Variants in NR6A1 observed in about 807,000 individuals in gnomAD.
NR6A1 encodes nuclear receptor subfamily 6 group A member 1.
A neutral mutation model predicts 59.1 loss-of-function variants in NR6A1; 7 were observed. The observed-to-expected ratio is 0.12, with a 90% CI of 0.07 to 0.22. The LOEUF (loss-of-function observed/expected upper bound fraction) is 0.22. Ranked by LOEUF, NR6A1 falls within the 10% of genes least tolerant of loss-of-function variation. The probability of loss-of-function intolerance (pLI) is 1.00; values close to 1 mark genes in which losing one functional copy is unlikely to be tolerated. For synonymous variants in NR6A1, 243 were observed against 236.1 expected, an observed-to-expected ratio of 1.03 and a Z score of -0.27; for missense variants, 468 against 611.6, an observed-to-expected ratio of 0.77 and a Z score of 2.48.
intron 1 of NR6A1, among the ~76,000 whole-genome samples, chr9:124,745,446 C>T (rs1313237495): frequency 1.3e-5 from 2 of 151,972 alleles, no homozygotes; most frequent in Non-Finnish European, 2.9e-5. Context: ...CTGAGGCGGG[C>T]AGATCACCTG....
intron 2 of NR6A1, among the ~76,000 whole-genome samples, chr9:124,615,459 AT>A (rs1340743405): frequency 1.3e-5 from 2 of 152,322 alleles, no homozygotes; most frequent in East Asian, 3.9e-4. Context: ...TATATGGTGA[AT>A]TCTATAGAGG....
intron 8 of NR6A1, among the ~76,000 whole-genome samples, 184 bp from the exon 9 acceptor site, chr9:124,525,057 G>C (rs890343095): frequency 6.6e-6 from 1 of 152,130 alleles, no homozygotes; most frequent in Non-Finnish European, 1.5e-5. Flanking sequence ...AATGAAGAGA[G>C]AGAGGAAAAA....
At chr9:124,767,309 C>T (rs942899422) in intron 1 of NR6A1, among the ~76,000 whole-genome samples, 2 of 151,936 alleles carry the variant, frequency 1.3e-5, no homozygotes, top group African/African-American at 4.8e-5. Flanking sequence ...CTACGGAAGT[C>T]AGAATGAATT....
intron 2 of NR6A1, among the ~76,000 whole-genome samples, chr9:124,628,012 T>C (rs1836301314): frequency 6.6e-6 from 1 of 151,314 alleles, no homozygotes; most frequent in African/African-American, 2.4e-5. Flanking sequence ...TGTTTGGCCT[T>C]TGCTTTTGTT....
At chr9:124,729,612 T>C (rs1445761682) in intron 2 of NR6A1, among the ~76,000 whole-genome samples, 1 of 151,920 alleles carries the variant, frequency 6.6e-6, no homozygotes, top group Non-Finnish European at 1.5e-5. Flanking sequence ...TAAACAAAAG[T>C]CAAATGGAAT....
At chr9:124,658,143 C>T (rs1359384896) in intron 2 of NR6A1, among the ~76,000 whole-genome samples, 1 of 152,128 alleles carries the variant, frequency 6.6e-6, no homozygotes, top group African/African-American at 2.4e-5. Flanking sequence ...TCTTCTGACA[C>T]AAGTAGAGAG....
At chr9:124,769,635 T>C (rs1176145530) in intron 1 of NR6A1, among the ~76,000 whole-genome samples, 3 of 152,230 alleles carry the variant, frequency 2.0e-5, no homozygotes, top group Non-Finnish European at 2.9e-5. Context: ...CACTGTTCGG[T>C]CCTAGATCTC....
intron 2 of NR6A1, among the ~76,000 whole-genome samples, chr9:124,681,814 T>C (rs541585577): frequency 8.5e-5 from 13 of 152,206 alleles, no homozygotes; most frequent in Non-Finnish European, 1.9e-4. Flanking sequence ...CATAACTCAG[T>C]GAACAAGTAT....
rs150473209 is a variant in NR6A1 at position 124,699,813 on chromosome 9, G to A, written c.142+33495C>T. 2.6e-5 allele frequency among the ~76,000 whole-genome samples: 4 copies of A among 152,240 alleles called. No homozygotes were observed. In the East Asian group the frequency reaches 7.7e-4, roughly 29 times the overall value. ...CCAACTTAGCCCCCAGACAACCACT[G>A]ATCTGTCTCTATACATTTGACTTCT... On this transcript the variant is annotated intron_variant, in intron 2 of 9. Coordinates refer to ENST00000487099, the MANE Select transcript of NR6A1 (RefSeq NM_033334.4).
At chr9:124,584,698 C>T (rs1479355086) in intron 2 of NR6A1, among the ~76,000 whole-genome samples, 1 of 152,080 alleles carries the variant, frequency 6.6e-6, no homozygotes, top group Non-Finnish European at 1.5e-5. Context: ...CCAGCCATTC[C>T]CCCATCTCTC....
rs999872707 is a variant in NR6A1 at position 124,518,970 on chromosome 9, T to G, written c.*3735A>C. The G allele has an allele frequency of 6.6e-6, 1 of 152,156 alleles. No homozygotes were observed. Among genetic ancestry groups the G allele is most frequent in the Non-Finnish European group, 1.5e-5 (1 of 68,032 alleles). The allele number at this position is 152,156 out of a possible 1,614,324, so 9.4% of individuals were successfully genotyped here. On this transcript the variant is annotated 3_prime_UTR_variant, in exon 10 of 10. Transcript: ENST00000487099. ...CAGGGTTCCCTTAATTCGACCAACC[T>G]TGGACATGGCTTAGATGCTGCCCAC...
chr9:124,540,306 A>G, intron 4 of NR6A1, 119 bp from the exon 5 acceptor site: 1 of 1,097,378 alleles, frequency 9.1e-7, no homozygotes, highest in South Asian at 1.7e-5. Flanking sequence ...CCTCTCCTCC[A>G]TCCCCATATT....
In NR6A1 at chr9:124,540,019, G is replaced by A. The variant is rs1249932581; in HGVS notation, c.596+14C>T. ...ATCCCTAGATGATGACCATGGGTTT[G>A]CCTTAAAGCTCACCTGGAAGACAGT... On this transcript the variant is annotated intron_variant, in intron 5 of 9. Coordinates refer to ENST00000487099, the MANE Select transcript of NR6A1 (RefSeq NM_033334.4). 1 of 1,572,550 alleles carries A rather than the reference G, an allele frequency of 6.4e-7. No individual in the cohort carries two copies. The highest frequency in any genetic ancestry group is 8.6e-7 in the Non-Finnish European group (1 of 1,169,008).
At position 124,704,369 on chromosome 9, in the gene NR6A1, T is replaced by C. The variant is rs1317345508; in HGVS notation, c.142+28939A>G. On this transcript the variant is annotated intron_variant, in intron 2 of 9. Transcript: ENST00000487099. ...CTTTCCATTTCGTTGTTTTCCATTC[T>C]AATCTTTATTGTTTTCTTCCTTATA... is the stretch of plus-strand genomic sequence containing the variant. Among the ~76,000 whole-genome samples the C allele has an allele frequency of 2.6e-5, 4 of 152,206 alleles. No individual in the cohort carries two copies. The East Asian group carries it at 7.7e-4, about 29-fold the overall frequency.
At chr9:124,740,672 CAAGAAA>C (rs894230988) in intron 1 of NR6A1, among the ~76,000 whole-genome samples, 1 of 152,116 alleles carries the variant, frequency 6.6e-6, no homozygotes, top group African/African-American at 2.4e-5. Flanking sequence ...CCAGGATCCC[CAAGAAA>C]AAGTTAAAAA....
intron 2 of NR6A1, among the ~76,000 whole-genome samples, chr9:124,561,513 C>T (rs1834084025): frequency 6.6e-6 from 1 of 152,172 alleles, no homozygotes; most frequent in African/African-American, 2.4e-5. Flanking sequence ...TGACACAGAG[C>T]TCTAGCTTCC....
intron 2 of NR6A1, among the ~76,000 whole-genome samples, chr9:124,670,483 G>T (rs1837759166): frequency 6.7e-6 from 1 of 149,290 alleles, no homozygotes; most frequent in Admixed American, 6.6e-5. Context: ...GGTCTAAAAA[G>T]CTAGGAAATG....
chr9:124,769,747 G>A (rs750115649), intron 1 of NR6A1, among the ~76,000 whole-genome samples: 4 of 152,204 alleles, frequency 2.6e-5, no homozygotes, highest in Non-Finnish European at 5.9e-5. Context: ...TGGAAAACAG[G>A]GCAAATAAAT....
At chr9:124,543,741 A>AG in intron 4 of NR6A1, 61 bp downstream of exon 4, 1 of 1,347,688 alleles carries the variant, frequency 7.4e-7, no homozygotes, top group Non-Finnish European at 1.0e-6. Flanking sequence ...GAGCAGTTTC[A>AG]GGAACAGCTG....
Sources: allele counts gnomAD v4.1 joint callset (sites outside exome capture counted in the v4.1 genomes callset), GRCh38; gene constraint gnomAD v4.1.1; transcripts MANE v1.5; gene names NCBI Gene and HGNC (gene_info 2026-07-23, HGNC 2026-07-21).